SH3RF3: variants seen among roughly 807,000 people sequenced by gnomAD.
The protein encoded by SH3RF3 is SH3 domain containing ring finger 3, also known as E3 ubiquitin-protein ligase SH3RF3.
A neutral mutation model predicts 66.3 loss-of-function variants in SH3RF3; 29 were observed. The ratio of observed to expected loss-of-function variants is 0.44; its 90% confidence interval spans 0.33 to 0.60. The LOEUF is 0.60. Among genes scored for constraint, SH3RF3 ranks in the 20% least tolerant of loss-of-function variants. The pLI is 0.04. For missense variants in SH3RF3, 1,194 were observed against 1,190.9 expected (o/e 1.00, Z -0.04); for synonymous variants, 583 against 532.0 (o/e 1.10, Z -1.32).
chr2:109,391,929 C>T (rs1212512259), intron 3 of SH3RF3, among the ~76,000 whole-genome samples: 2 of 152,058 alleles, frequency 1.3e-5, no homozygotes, highest in Non-Finnish European at 2.9e-5. Context: ...GCGATCCTCC[C>T]ACCTCAGCCT....
intron 1 of SH3RF3, among the ~76,000 whole-genome samples, chr2:109,147,430 A>G (rs959467675): frequency 2.0e-5 from 3 of 152,200 alleles, no homozygotes; most frequent in Non-Finnish European, 4.4e-5. Flanking sequence ...TGCTGTTTGT[A>G]TACTAGAGAA....
intron 1 of SH3RF3, among the ~76,000 whole-genome samples, chr2:109,160,852 C>G (rs1226502991): frequency 6.6e-6 from 1 of 152,096 alleles, no homozygotes; most frequent in Admixed American, 6.5e-5. Flanking sequence ...ATGGACAGGG[C>G]CAGGAGAGGC....
chr2:109,211,019 C>T (rs80342891), intron 1 of SH3RF3, among the ~76,000 whole-genome samples: 6,243 of 152,220 alleles, frequency 0.041, 388 homozygotes, highest in East Asian at 0.31. Flanking sequence ...TCCTGGCACA[C>T]GGGTTGATGA....
intron 7 of SH3RF3, among the ~76,000 whole-genome samples, chr2:109,441,049 CA>C (rs985642340): frequency 6.9e-6 from 1 of 145,726 alleles, no homozygotes; most frequent in Non-Finnish European, 1.5e-5. Flanking sequence ...CAACAGAGCT[CA>C]AAAACAACAC....
chr2:109,496,733 A>G (rs757605049), intron 9 of SH3RF3, among the ~76,000 whole-genome samples: 20 of 152,272 alleles, frequency 1.3e-4, no homozygotes, highest in Admixed American at 3.9e-4. Context: ...AAAGATGTCT[A>G]TGCCCTAAAC....
chr2:109,353,287 A>G (rs1293929255), intron 2 of SH3RF3, among the ~76,000 whole-genome samples: 1 of 152,168 alleles, frequency 6.6e-6, no homozygotes, highest in Non-Finnish European at 1.5e-5. Flanking sequence ...CTGGGCCTGC[A>G]TGGCTGCCTT....
At chr2:109,227,871 G>T (rs537157057) in intron 1 of SH3RF3, among the ~76,000 whole-genome samples, 3 of 152,288 alleles carry the variant, frequency 2.0e-5, no homozygotes, top group African/African-American at 7.2e-5. Flanking sequence ...CCTTTCATCG[G>T]TTTGTCTGCA....
intron 8 of SH3RF3, among the ~76,000 whole-genome samples, chr2:109,461,968 G>A (rs893740925): frequency 2.6e-5 from 4 of 152,170 alleles, no homozygotes; most frequent in African/African-American, 4.8e-5. Context: ...GGGGCTAGAC[G>A]TAACCACTTT....
intron 1 of SH3RF3, among the ~76,000 whole-genome samples, chr2:109,138,646 G>A (rs1211666948): frequency 6.6e-6 from 1 of 152,204 alleles, no homozygotes; most frequent in East Asian, 1.9e-4. Context: ...GAGGAAGTGG[G>A]TCACTCTTCC....
intron 1 of SH3RF3, among the ~76,000 whole-genome samples, chr2:109,225,809 G>A (rs536177968): frequency 6.6e-5 from 10 of 152,224 alleles, no homozygotes; most frequent in African/African-American, 2.2e-4. Flanking sequence ...TCTGTTGCCC[G>A]GGCTGCACTG....
At chr2:109,133,094 G>A (rs1214652673) in intron 1 of SH3RF3, among the ~76,000 whole-genome samples, 2 of 152,252 alleles carry the variant, frequency 1.3e-5, no homozygotes, top group African/African-American at 2.4e-5. Context: ...AGTAGAGGTA[G>A]TGAGTGGTTG....
chr2:109,248,887 T>G (rs36058611), intron 1 of SH3RF3, among the ~76,000 whole-genome samples: 17 of 145,846 alleles, frequency 1.2e-4, no homozygotes, highest in African/African-American at 4.4e-4. Flanking sequence ...TTCCTGTCCT[T>G]TCCTGTCCTG....
intron 1 of SH3RF3, among the ~76,000 whole-genome samples, chr2:109,224,811 C>T (rs1471413556): frequency 6.6e-6 from 1 of 152,086 alleles, no homozygotes; most frequent in Non-Finnish European, 1.5e-5. Context: ...GGGCTGAGAT[C>T]ATGCCACTGC....
intron 1 of SH3RF3, among the ~76,000 whole-genome samples, chr2:109,292,943 G>T (rs1681222870): frequency 6.6e-6 from 1 of 152,176 alleles, no homozygotes; most frequent in Non-Finnish European, 1.5e-5. Flanking sequence ...TGTTGGTCAG[G>T]CTGGTCTCGA....
chr2:109,285,402 T>C (rs563147280), intron 1 of SH3RF3, among the ~76,000 whole-genome samples: 1 of 152,350 alleles, frequency 6.6e-6, no homozygotes, highest in African/African-American at 2.4e-5. Context: ...TTGTCTTAAT[T>C]AGACTTGAGG....
Position 109,502,315 on chromosome 2 carries a change from C to T in SH3RF3, c.*644C>T, listed in dbSNP as rs1029770512. On this transcript the variant is annotated 3_prime_UTR_variant, in exon 10 of 10. Transcript: ENST00000309415. ...TTCACCACCATTGTCCCTTGCATTA[C>T]TTCTTTCTTACAGCATATTTTTAAC... 1 of 152,210 alleles carries T rather than the reference C, an allele frequency of 6.6e-6. No homozygotes were observed. The highest frequency in any genetic ancestry group is 6.5e-5 in the Admixed American group (1 of 15,288). 9.4% of individuals were successfully genotyped at this position (152,210 alleles called of 1,614,324 possible).
intron 1 of SH3RF3, among the ~76,000 whole-genome samples, chr2:109,219,248 C>T (rs1255170048): frequency 1.3e-5 from 2 of 152,120 alleles, no homozygotes; most frequent in African/African-American, 2.4e-5. Context: ...CTCAGACTAC[C>T]GTTTTTGCTC....
intron 8 of SH3RF3, among the ~76,000 whole-genome samples, chr2:109,454,012 T>C (rs1314777448): frequency 6.6e-6 from 1 of 152,116 alleles, no homozygotes; most frequent in African/African-American, 2.4e-5. Context: ...GGCAGGAGGG[T>C]GCCATCCTGT....
intron 4 of SH3RF3, among the ~76,000 whole-genome samples, chr2:109,402,952 G>C (rs1396468437): frequency 1.3e-5 from 2 of 152,188 alleles, no homozygotes; most frequent in African/African-American, 4.8e-5. Context: ...GCTGCTTGCT[G>C]GGCACTGTGC....
Sources: gnomAD v4.1 joint callset for allele counts (sites outside exome capture counted in the v4.1 genomes callset) on GRCh38, gnomAD v4.1.1 for gene constraint, MANE v1.5 for transcripts, NCBI Gene and HGNC (gene_info 2026-07-23, HGNC 2026-07-21) for gene names.